TRPC5: variants seen among roughly 807,000 people sequenced by gnomAD.
The protein encoded by TRPC5 is short transient receptor potential channel 5.
Under a neutral mutation model 56.5 loss-of-function variants are expected in TRPC5, and 9 were observed. The observed-to-expected ratio is 0.16, with a 90% CI of 0.10 to 0.28. The LOEUF (loss-of-function observed/expected upper bound fraction) is 0.28. Ranked by LOEUF, TRPC5 falls within the 10% of genes least tolerant of loss-of-function variation. TRPC5 has a pLI of 1.00. For missense variants in TRPC5, 469 were observed against 748.9 expected (o/e 0.63, Z 4.36); for synonymous variants, 282 against 278.5 (o/e 1.01, Z -0.13).
chrX:111,944,303 T>TGTGTGTGTGTGAAAGAGAGAGAGAGA (rs1173179815), intron 2 of TRPC5, among the ~76,000 whole-genome samples: 3 of 61,372 alleles, frequency 4.9e-5, no homozygotes, highest in African/African-American at 3.2e-4. Context: ...TGTGTGTGTG[T>TGTGTGTGTGTGAAAGAGAGAGAGAGA]GAGAGAGAGA....
At chrX:111,964,580 T>A (rs764761872) in intron 1 of TRPC5, among the ~76,000 whole-genome samples, 13 of 111,706 alleles carry the variant, frequency 1.2e-4, no homozygotes, top group African/African-American at 3.6e-4. Flanking sequence ...GAGAGAAAGG[T>A]GGGGTTACCC....
At chrX:111,887,310 G>A (rs1162536270) in intron 3 of TRPC5, among the ~76,000 whole-genome samples, 1 of 112,373 alleles carries the variant, frequency 8.9e-6, no homozygotes, top group African/African-American at 3.2e-5. Flanking sequence ...TTCTTGGAGA[G>A]AGTGCCATTT....
chrX:111,969,595 G>A (rs1200172692), intron 1 of TRPC5, among the ~76,000 whole-genome samples: 4 of 112,216 alleles, frequency 3.6e-5, no homozygotes, highest in African/African-American at 1.3e-4. Context: ...AAGGTATATG[G>A]AAGAGGTAGA....
intron 2 of TRPC5, among the ~76,000 whole-genome samples, chrX:111,919,577 T>A (rs1206830118): frequency 8.9e-6 from 1 of 112,311 alleles, no homozygotes; most frequent in Non-Finnish European, 1.9e-5. Flanking sequence ...CTTGGCTTTG[T>A]CATTTACTAG....
chrX:111,964,675 C>G (rs781191489), intron 1 of TRPC5, among the ~76,000 whole-genome samples: 1 of 112,040 alleles, frequency 8.9e-6, no homozygotes, highest in African/African-American at 3.2e-5. Flanking sequence ...ATATTCAACA[C>G]CCTTAAAGAA....
intron 3 of TRPC5, among the ~76,000 whole-genome samples, chrX:111,871,336 A>C (rs1397882840): frequency 9.1e-6 from 1 of 109,997 alleles, no homozygotes; most frequent in African/African-American, 3.3e-5. Context: ...TTTTTTTATC[A>C]TAACAGGATA....
intron 7 of TRPC5, among the ~76,000 whole-genome samples, chrX:111,807,212 C>A (rs1220763294): frequency 9.0e-6 from 1 of 111,430 alleles, no homozygotes; most frequent in African/African-American, 3.3e-5. Context: ...TTTAGCTTTG[C>A]CCTTTTGAGG....
At chrX:112,016,245 T>C (rs1174200615) in intron 1 of TRPC5, among the ~76,000 whole-genome samples, 1 of 110,992 alleles carries the variant, frequency 9.0e-6, no homozygotes, top group Non-Finnish European at 1.9e-5. Flanking sequence ...GCATTTGCCA[T>C]CCATCACCTC....
At chrX:112,054,729 T>G (rs1930302665) in intron 1 of TRPC5, among the ~76,000 whole-genome samples, 1 of 111,381 alleles carries the variant, frequency 9.0e-6, no homozygotes, top group Non-Finnish European at 1.9e-5. Flanking sequence ...ATAACCACTC[T>G]GCTATTTATG....
At chrX:112,008,182 G>A (rs146415608) in intron 1 of TRPC5, among the ~76,000 whole-genome samples, 341 of 112,409 alleles carry the variant, frequency 3.0e-3, no homozygotes, top group Non-Finnish European at 4.8e-3. Flanking sequence ...GAGTGGCCTT[G>A]GCCAACTTCC....
chrX:111,959,892 T>C (rs1243124811), intron 1 of TRPC5, among the ~76,000 whole-genome samples: 2 of 111,446 alleles, frequency 1.8e-5, no homozygotes, highest in Non-Finnish European at 3.8e-5. Flanking sequence ...ACTGGAGCTG[T>C]TAGGAATTGA....
At chrX:111,883,743 T>A (rs1056629619) in intron 3 of TRPC5, among the ~76,000 whole-genome samples, 1 of 112,849 alleles carries the variant, frequency 8.9e-6, no homozygotes, top group Non-Finnish European at 1.9e-5. Flanking sequence ...AGCCAGGGCC[T>A]AAGCCTAATT....
intron 3 of TRPC5, among the ~76,000 whole-genome samples, chrX:111,866,843 T>G (rs1407606736): frequency 8.9e-6 from 1 of 112,542 alleles, no homozygotes; most frequent in Non-Finnish European, 1.9e-5. Flanking sequence ...ATTTAATGCC[T>G]GATTCACATG....
intron 1 of TRPC5, among the ~76,000 whole-genome samples, chrX:112,042,656 T>C (rs1386390644): frequency 9.0e-6 from 1 of 111,626 alleles, no homozygotes; most frequent in Admixed American, 9.5e-5. Flanking sequence ...CACCTGGCTT[T>C]TCTTCTGTCC....
At chrX:111,911,140 C>T (rs189885514) in intron 3 of TRPC5, among the ~76,000 whole-genome samples, 6,497 of 107,900 alleles carry the variant, frequency 0.06, 193 homozygotes, top group Middle Eastern at 0.12. Flanking sequence ...TTTATTTTTG[C>T]CTGAGAAAAA....
At chrX:112,070,758 C>CCCA (rs370299776) in intron 1 of TRPC5, among the ~76,000 whole-genome samples, 15 of 108,353 alleles carry the variant, frequency 1.4e-4, no homozygotes, top group African/African-American at 4.8e-4. Context: ...TGCCCCCCCC[C>CCCA]AAAGTTACTT....
chrX:111,872,773 A>C (rs1281783983), intron 3 of TRPC5, among the ~76,000 whole-genome samples: 2 of 112,204 alleles, frequency 1.8e-5, no homozygotes, highest in African/African-American at 6.5e-5. Context: ...CAACATCACT[A>C]ATCATCAGAG....
chrX:111,980,014 T>C (rs758388291), intron 1 of TRPC5, among the ~76,000 whole-genome samples: 29 of 111,582 alleles, frequency 2.6e-4, no homozygotes, highest in African/African-American at 9.1e-4. Context: ...TACAAAAAAA[T>C]TGTACGTGAA....
At chrX:112,046,727 A>G (rs1930035982) in intron 1 of TRPC5, among the ~76,000 whole-genome samples, 1 of 111,453 alleles carries the variant, frequency 9.0e-6, no homozygotes, top group South Asian at 3.8e-4. Context: ...GAAAAGGGAA[A>G]TGATGCATAC....
Sources: gnomAD v4.1 joint callset for allele counts (sites outside exome capture counted in the v4.1 genomes callset) on GRCh38, gnomAD v4.1.1 for gene constraint, MANE v1.5 for transcripts, NCBI Gene and HGNC (gene_info 2026-07-23, HGNC 2026-07-21) for gene names.